USP34: variants seen among roughly 807,000 people sequenced by gnomAD.
USP34 encodes the protein ubiquitin specific peptidase 34.
A neutral mutation model predicts 460.3 loss-of-function variants in USP34; 70 were observed. That is an observed-to-expected ratio of 0.15 (90% confidence interval 0.13 to 0.19). The LOEUF (loss-of-function observed/expected upper bound fraction) is 0.19. USP34 is among the 10% of genes least tolerant of loss of function. USP34 has a pLI of 1.00. For synonymous variants in USP34, 1,647 were observed against 1,405.3 expected (o/e 1.17, Z -3.85); for missense variants, 3,985 against 4,236.2 (o/e 0.94, Z 1.65).
intron 67 of USP34, among the ~76,000 whole-genome samples, chr2:61,218,083 A>C (rs1223821054): frequency 1.3e-5 from 2 of 152,028 alleles, no homozygotes; most frequent in South Asian, 4.1e-4. Context: ...ACTGCAATGT[A>C]CAAGAATGCC....
intron 2 of USP34, among the ~76,000 whole-genome samples, chr2:61,412,835 G>C (rs1347088647): frequency 1.4e-5 from 2 of 143,300 alleles, no homozygotes; most frequent in Non-Finnish European, 3.0e-5. Context: ...GCCGCAGTGA[G>C]CCATCATAAC....
At chr2:61,376,273 C>G (rs1015273623) in intron 8 of USP34, among the ~76,000 whole-genome samples, 10 of 151,966 alleles carry the variant, frequency 6.6e-5, no homozygotes, top group African/African-American at 2.4e-4. Context: ...TTATCACATG[C>G]TTTTTCTGTT....
intron 1 of USP34, among the ~76,000 whole-genome samples, chr2:61,443,043 T>A (rs574541813): frequency 7.7e-6 from 1 of 130,410 alleles, no homozygotes; most frequent in African/African-American, 3.0e-5. Flanking sequence ...AGCAGAAAGT[T>A]AAACACCATA....
In USP34 at chr2:61,188,455, T is replaced by TAAA. The variant is rs765934041; in HGVS notation, c.10287_10288insTTT (p.Asn3429_Ile3430insPhe). The TAAA allele has an allele frequency of 2.8e-5, 45 of 1,614,130 alleles. No homozygotes were observed. The highest frequency in any genetic ancestry group is 2.0e-4 in the East Asian group (9 of 44,908). ...TGTTCTTCTGCATGCTGTGACCTGATATTTGACATGTCTTCTGAAAACGAA... is the reference window on the plus strand; with the variant it reads ...TGTTCTTCTGCATGCTGTGACCTGATAAAATTTGACATGTCTTCTGAAAACGAA... On this transcript the variant is annotated inframe_insertion, in exon 80 of 80. Coordinates refer to ENST00000398571, the MANE Select transcript of USP34 (RefSeq NM_014709.4).
chr2:61,283,568 GGTGTGTGAGTGA>G, intron 35 of USP34, 119 bp from the exon 36 acceptor site: 1 of 1,022,948 alleles, frequency 9.8e-7, no homozygotes, highest in Non-Finnish European at 1.4e-6. Context: ...GAAAGCAGTG[GGTGTGTGAGTGA>G]GAGTGAGAGT....
At chr2:61,360,856 C>T (rs1692255021) in intron 10 of USP34, among the ~76,000 whole-genome samples, 1 of 152,196 alleles carries the variant, frequency 6.6e-6, no homozygotes, top group Non-Finnish European at 1.5e-5. Context: ...AGGGTTTCAG[C>T]ATGTTGCTCA....
rs1481510477 is a variant in USP34 at position 61,295,354 on chromosome 2, TAAAC to T, written c.4255-68_4255-65del. On this transcript the variant is annotated intron_variant, in intron 30 of 79. Coordinates refer to ENST00000398571, the MANE Select transcript of USP34 (RefSeq NM_014709.4). ...CAGGGAACACAAAAAAGAAAAACTT[TAAAC>T]AAACTGACACTACATAAAAACTCAA... The T allele has an allele frequency of 8.0e-6, 12 of 1,505,830 alleles. No individual in the cohort carries two copies. In the African/African-American group the frequency reaches 1.1e-4, roughly 14 times the overall value. 93.3% of individuals were successfully genotyped at this position (1,505,830 alleles called of 1,614,324 possible). A position where few individuals can be genotyped will look rare whatever the true frequency, so the allele number is the denominator to read the frequency against.
chr2:61,391,587 G>A (rs531952723), intron 5 of USP34, among the ~76,000 whole-genome samples: 4 of 152,150 alleles, frequency 2.6e-5, no homozygotes, highest in Non-Finnish European at 4.4e-5. Context: ...TCATTCCTGT[G>A]AAATTCAGAG....
Position 61,211,881 on chromosome 2 carries a change from G to A in USP34, c.8731C>T (p.Pro2911Ser). The A allele has an allele frequency of 6.2e-7, 1 of 1,608,820 alleles. No homozygotes were observed. Among genetic ancestry groups the A allele is most frequent in the Non-Finnish European group, 8.5e-7 (1 of 1,178,494 alleles). Reference protein sequence around the residue: ...NLMQLFIAQRPDMREEELEDI... With the variant: ...NLMQLFIAQRSDMREEELEDI... ...TCTAATTCTTCTTCTCTCATATCTG[G>A]CCTCTGAGCTATAAACAGCTGCATC... The change falls in exon 69 of 80, where the codon CCA becomes TCA. Residue 2911 changes from proline (P) to serine (S), a missense_variant. Transcript: ENST00000398571.
chr2:61,448,597 A>G (rs1294867436), intron 1 of USP34, among the ~76,000 whole-genome samples: 1 of 152,222 alleles, frequency 6.6e-6, no homozygotes, highest in Non-Finnish European at 1.5e-5. Flanking sequence ...TGAGTATATG[A>G]AGTAAAAGTC....
intron 27 of USP34, among the ~76,000 whole-genome samples, chr2:61,311,335 T>C (rs1690585087): frequency 1.3e-5 from 2 of 152,140 alleles, no homozygotes; most frequent in African/African-American, 2.4e-5. Context: ...GGTACCCTGA[T>C]CTTGGACTTC....
intron 16 of USP34, among the ~76,000 whole-genome samples, chr2:61,343,358 G>GT (rs1553373398): frequency 6.6e-6 from 1 of 151,548 alleles, no homozygotes; most frequent in African/African-American, 2.4e-5. Flanking sequence ...TCTCACACTC[G>GT]CCCCTCCTTA....
chr2:61,437,669 A>T (rs1404743803), intron 1 of USP34, among the ~76,000 whole-genome samples: 4 of 152,056 alleles, frequency 2.6e-5, no homozygotes, highest in Admixed American at 2.0e-4. Context: ...GCTAGTCGGG[A>T]GGCTGAGGCA....
At chr2:61,231,955 T>C (rs1687918521) in intron 58 of USP34, among the ~76,000 whole-genome samples, 1 of 151,592 alleles carries the variant, frequency 6.6e-6, no homozygotes, top group Non-Finnish European at 1.5e-5. Flanking sequence ...AACTAAGTTT[T>C]TGATTTTGTG....
intron 75 of USP34, among the ~76,000 whole-genome samples, chr2:61,198,834 A>G (rs1245274272): frequency 1.3e-5 from 2 of 151,944 alleles, no homozygotes; most frequent in Non-Finnish European, 2.9e-5. Context: ...ACACCACTGC[A>G]CTCCAGCCTG....
At chr2:61,322,828 G>C (rs1438632221) in intron 21 of USP34, among the ~76,000 whole-genome samples, 1 of 152,028 alleles carries the variant, frequency 6.6e-6, no homozygotes, top group Non-Finnish European at 1.5e-5. Context: ...GTATATATCA[G>C]AACTTAAACA....
chr2:61,293,851 C>T (rs1411586244), intron 32 of USP34, among the ~76,000 whole-genome samples: 5 of 151,758 alleles, frequency 3.3e-5, no homozygotes, highest in South Asian at 2.1e-4. Context: ...CTCATCTCTA[C>T]AAAAAATAAA....
chr2:61,329,904 T>C (rs1184962242), intron 20 of USP34, among the ~76,000 whole-genome samples: 1 of 152,186 alleles, frequency 6.6e-6, no homozygotes, highest in Non-Finnish European at 1.5e-5. Context: ...CTCAAGCCCA[T>C]GGGCTTCCCA....
intron 1 of USP34, among the ~76,000 whole-genome samples, chr2:61,470,428 A>G (rs1035975519): frequency 1.3e-5 from 2 of 150,566 alleles, no homozygotes; most frequent in Non-Finnish European, 3.0e-5. Flanking sequence ...GCCGAGCCGG[A>G]GCTCCGCGGC....
Sources: gnomAD v4.1 joint callset for allele counts (sites outside exome capture counted in the v4.1 genomes callset) on GRCh38, gnomAD v4.1.1 for gene constraint, MANE v1.5 for transcripts, NCBI Gene and HGNC (gene_info 2026-07-23, HGNC 2026-07-21) for gene names.